The following SCHIP1 variants were observed in gnomAD, a reference collection of about 807,000 sequenced individuals.
The protein encoded by SCHIP1 is schwannomin-interacting protein 1.
A neutral mutation model predicts 29.7 loss-of-function variants in SCHIP1; 8 were observed. The ratio of observed to expected loss-of-function variants is 0.27; its 90% CI spans 0.16 to 0.49. The LOEUF (loss-of-function observed/expected upper bound fraction) is 0.49, where lower values mean the gene tolerates loss of function less well. Among genes scored for constraint, SCHIP1 ranks in the 20% least tolerant of loss-of-function variants. The pLI is 0.99. For missense variants in SCHIP1, 193 were observed against 294.6 expected (o/e 0.66, Z 2.52); for synonymous variants, 76 against 94.9 (o/e 0.80, Z 1.16).
the SCHIP1 span, among the ~76,000 whole-genome samples, chr3:159,675,708 T>C: frequency 4.6e-5 from 7 of 152,240 alleles, no homozygotes; most frequent in Non-Finnish European, 1.0e-4. Flanking sequence ...AAATCCTCCC[T>C]GGCATACCTG....
At chr3:159,503,055 T>C in the SCHIP1 span, among the ~76,000 whole-genome samples, 1 of 152,230 alleles carries the variant, frequency 6.6e-6, no homozygotes, top group South Asian at 2.1e-4. Context: ...ATACTTTCCT[T>C]TTCTGAGGAG....
the SCHIP1 span, among the ~76,000 whole-genome samples, chr3:159,568,111 C>A: frequency 6.6e-6 from 1 of 151,892 alleles, no homozygotes; most frequent in African/African-American, 2.4e-5. Context: ...ACTGTTTGTT[C>A]CTGATGAATA....
chr3:159,604,708 G>C, the SCHIP1 span, among the ~76,000 whole-genome samples: 1 of 152,124 alleles, frequency 6.6e-6, no homozygotes, highest in Non-Finnish European at 1.5e-5. Context: ...ACAATTTAAA[G>C]GTAAAAATTT....
chr3:159,419,143 C>G, the SCHIP1 span, among the ~76,000 whole-genome samples: 2 of 152,244 alleles, frequency 1.3e-5, no homozygotes, highest in Non-Finnish European at 2.9e-5. Context: ...AAGAGCACCA[C>G]GAACTTGTGT....
the SCHIP1 span, among the ~76,000 whole-genome samples, chr3:159,483,843 C>T: frequency 6.6e-6 from 1 of 152,040 alleles, no homozygotes. Context: ...AGTTGCTCAA[C>T]AGATAGTAAC....
the SCHIP1 span, among the ~76,000 whole-genome samples, chr3:159,525,362 CAT>C: frequency 9.2e-5 from 14 of 152,190 alleles, no homozygotes; most frequent in Admixed American, 3.9e-4. Flanking sequence ...GAACCTAGCA[CAT>C]ATGTGTTTCA....
the SCHIP1 span, among the ~76,000 whole-genome samples, chr3:159,726,809 C>A: frequency 6.6e-6 from 1 of 152,286 alleles, no homozygotes; most frequent in East Asian, 1.9e-4. Flanking sequence ...AGGTGCAAAC[C>A]TTTACAGAGA....
the SCHIP1 span, chr3:159,399,087 G>T: frequency 8.1e-6 from 2 of 247,008 alleles, no homozygotes; most frequent in South Asian, 3.0e-4. Context: ...CAAAACACCA[G>T]GCACACTCTG....
chr3:159,638,615 G>GA, the SCHIP1 span, among the ~76,000 whole-genome samples: 2,650 of 119,660 alleles, frequency 0.022, 74 homozygotes, highest in African/African-American at 0.068. Context: ...TATTATAGAG[G>GA]AAAAAAAAAA....
the SCHIP1 span, among the ~76,000 whole-genome samples, chr3:159,483,582 G>T: frequency 1.3e-5 from 2 of 152,048 alleles, no homozygotes; most frequent in Non-Finnish European, 2.9e-5. Context: ...TAAACTCAAA[G>T]TTTCCAGAAA....
At chr3:159,854,719 A>G (rs1255010260) in intron 1 of SCHIP1, among the ~76,000 whole-genome samples, 1 of 152,188 alleles carries the variant, frequency 6.6e-6, no homozygotes, top group East Asian at 1.9e-4. Flanking sequence ...TACTTCTGCT[A>G]TTTTCAGTGT....
At chr3:159,829,911 T>G in the SCHIP1 span, among the ~76,000 whole-genome samples, 1 of 152,234 alleles carries the variant, frequency 6.6e-6, no homozygotes, top group African/African-American at 2.4e-5. Context: ...TGACCTATTG[T>G]AAGTTTGGGT....
the SCHIP1 span, among the ~76,000 whole-genome samples, chr3:159,372,409 T>A: frequency 6.6e-6 from 1 of 152,128 alleles, no homozygotes. Flanking sequence ...TAGATAATTT[T>A]AAAAATGTTT....
At chr3:159,584,665 G>C in the SCHIP1 span, among the ~76,000 whole-genome samples, 1 of 152,086 alleles carries the variant, frequency 6.6e-6, no homozygotes, top group East Asian at 1.9e-4. Context: ...TAGATGAGAG[G>C]TTCTCAGTGT....
the SCHIP1 span, among the ~76,000 whole-genome samples, chr3:159,355,383 C>T: frequency 6.6e-6 from 1 of 152,080 alleles, no homozygotes; most frequent in Admixed American, 6.6e-5. Context: ...ATTGAACCCC[C>T]CAACGCTGTT....
At chr3:159,394,902 C>T in the SCHIP1 span, among the ~76,000 whole-genome samples, 1 of 152,102 alleles carries the variant, frequency 6.6e-6, no homozygotes, top group Non-Finnish European at 1.5e-5. Context: ...ACCAGTTCCT[C>T]CTTGTACCTC....
chr3:159,587,972 G>T, the SCHIP1 span, among the ~76,000 whole-genome samples: 1 of 152,076 alleles, frequency 6.6e-6, no homozygotes, highest in African/African-American at 2.4e-5. Flanking sequence ...ATAATCCTTT[G>T]GGTATATACC....
the SCHIP1 span, among the ~76,000 whole-genome samples, chr3:159,402,367 G>T: frequency 6.6e-6 from 1 of 152,204 alleles, no homozygotes; most frequent in African/African-American, 2.4e-5. Context: ...GTGGAAGTCG[G>T]TGTGGCGATT....
the SCHIP1 span, among the ~76,000 whole-genome samples, chr3:159,421,591 G>A: frequency 2.0e-5 from 3 of 152,228 alleles, no homozygotes; most frequent in Non-Finnish European, 2.9e-5. Context: ...TCTAATGCCA[G>A]GGGAGGTCTT....
Sources: allele counts gnomAD v4.1 joint callset (sites outside exome capture counted in the v4.1 genomes callset), GRCh38; gene constraint gnomAD v4.1.1; transcripts MANE v1.5; gene names NCBI Gene and HGNC (gene_info 2026-07-23, HGNC 2026-07-21).